KIF15: variants seen among roughly 807,000 people sequenced by gnomAD.
KIF15 encodes the protein kinesin family member 15.
KIF15 carries 140 observed loss-of-function variants against 190.6 expected under a neutral mutation model. That is an observed-to-expected ratio of 0.73 (90% CI 0.64 to 0.84). The LOEUF (loss-of-function observed/expected upper bound fraction) is 0.84. Among genes scored for constraint, KIF15 ranks in the 40% least tolerant of loss-of-function variants. The pLI is 0.00. For synonymous variants in KIF15, 528 were observed against 551.3 expected (o/e 0.96, Z 0.59); for missense variants, 1,372 against 1,584.4 (o/e 0.87, Z 2.28).
chr3:44,782,862 T>G (rs1364219218), intron 5 of KIF15, among the ~76,000 whole-genome samples: 1 of 152,140 alleles, frequency 6.6e-6, no homozygotes, highest in East Asian at 1.9e-4. Flanking sequence ...AGAGTGGAGT[T>G]TTCCAGGATA....
chr3:44,852,425 A>C (rs1699094421), intron 34 of KIF15, 86 bp downstream of exon 34: 14 of 1,310,208 alleles, frequency 1.1e-5, no homozygotes, highest in Non-Finnish European at 1.4e-5. Flanking sequence ...TAATTATTGA[A>C]TCAGTTAACT....
At chr3:44,861,694 C>T (rs963634853) in intron 6 of KIF15, among the ~76,000 whole-genome samples, 3 of 152,268 alleles carry the variant, frequency 2.0e-5, no homozygotes, top group Non-Finnish European at 4.4e-5. Context: ...GGCCTCGGGT[C>T]CCGACGTCCT....
chr3:44,794,280 A>G lies in KIF15; in HGVS notation c.703A>G (p.Arg235Gly). ...ASTSMNRESS[R>G]SHAVFTITIE... The stretch of plus-strand genomic sequence containing the variant: ...AACATCAATGAACAGAGAATCGTCT[A>G]GGTCTCATGCCGTCTTTACAATTAC... Residue 235 changes from arginine (R) to glycine (G), a missense_variant, in exon 8 of 35, where the codon AGG (arginine) becomes GGG (glycine). By Grantham distance (125) the Arg-to-Gly change is moderately radical. Coordinates refer to ENST00000326047, the MANE Select transcript of KIF15 (RefSeq NM_020242.3). 5.0e-6 allele frequency: 8 copies of G among 1,614,200 alleles called. No individual in the cohort carries two copies. Among genetic ancestry groups the G allele is most frequent in the South Asian group, 1.1e-5 (1 of 91,084 alleles).
At chr3:44,825,942 T>C in intron 20 of KIF15, 97 bp from the exon 21 acceptor site, 1 of 1,078,316 alleles carries the variant, frequency 9.3e-7, no homozygotes, top group Non-Finnish European at 1.3e-6. Context: ...GAGTTGGGAA[T>C]GGGCTGTAGA....
At chr3:44,846,791 A>AT (rs1559593013) in intron 30 of KIF15, among the ~76,000 whole-genome samples, 2 of 151,344 alleles carry the variant, frequency 1.3e-5, no homozygotes, top group African/African-American at 4.9e-5. Context: ...AAAAAAAAAA[A>AT]AGTTTTTCAT....
chr3:44,784,308 G>A (rs1318751343), intron 5 of KIF15, among the ~76,000 whole-genome samples: 2 of 151,996 alleles, frequency 1.3e-5, no homozygotes, highest in South Asian at 2.1e-4. Context: ...GAGTAGCTGG[G>A]ACTACAGGCG....
intron 2 of KIF15, 47 bp downstream of exon 2, chr3:44,774,484 G>A (rs769752792): frequency 9.4e-6 from 14 of 1,490,896 alleles, no homozygotes; most frequent in Non-Finnish European, 9.3e-6. Flanking sequence ...ACTAGGGATG[G>A]AATATTTTTA....
intron 30 of KIF15, among the ~76,000 whole-genome samples, chr3:44,843,444 T>C (rs1698704308): frequency 6.6e-6 from 1 of 152,222 alleles, no homozygotes; most frequent in African/African-American, 2.4e-5. Context: ...TGCATTTGTT[T>C]TAAAGTGATT....
intron 3 of KIF15, 46 bp downstream of exon 3, chr3:44,775,483 G>A: frequency 7.2e-7 from 1 of 1,395,034 alleles, no homozygotes; most frequent in Non-Finnish European, 9.8e-7. Flanking sequence ...TTGAAAAGGA[G>A]TCTCACTCTG....
intron 26 of KIF15, among the ~76,000 whole-genome samples, chr3:44,836,402 C>G (rs1698324420): frequency 6.6e-6 from 1 of 151,586 alleles, no homozygotes; most frequent in African/African-American, 2.4e-5. Context: ...AGAAAAAATA[C>G]AAATACATAA....
chr3:44,832,035 G>A (rs1698097866), intron 26 of KIF15, among the ~76,000 whole-genome samples: 1 of 152,178 alleles, frequency 6.6e-6, no homozygotes, highest in Admixed American at 6.5e-5. Flanking sequence ...TTACATCAAA[G>A]CATGCATTCT....
At chr3:44,819,572 T>A (rs1291943437) in intron 20 of KIF15, among the ~76,000 whole-genome samples, 1 of 152,246 alleles carries the variant, frequency 6.6e-6, no homozygotes, top group Non-Finnish European at 1.5e-5. Flanking sequence ...AGTCTCTTAA[T>A]CCTGAGATCT....
intron 3 of KIF15, 72 bp from the exon 4 acceptor site, chr3:44,778,043 C>A: frequency 7.9e-7 from 1 of 1,269,912 alleles, no homozygotes; most frequent in Non-Finnish European, 1.2e-6. Context: ...TTTGCTGTTA[C>A]ATTGTAGAAT....
At chr3:44,835,438 C>T (rs1698263797) in intron 26 of KIF15, among the ~76,000 whole-genome samples, 2 of 151,934 alleles carry the variant, frequency 1.3e-5, no homozygotes, top group African/African-American at 4.8e-5. Flanking sequence ...GATGAGGTTT[C>T]ACTATGATGC....
intron 7 of KIF15, among the ~76,000 whole-genome samples, chr3:44,790,695 C>CATT (rs1706647177): frequency 1.0e-5 from 1 of 97,972 alleles, no homozygotes. Context: ...TTTTCTGTTT[C>CATT]TTTTTTTTTT....
intron 16 of KIF15, among the ~76,000 whole-genome samples, chr3:44,809,967 TGA>T (rs1707716860): frequency 6.6e-6 from 1 of 152,062 alleles, no homozygotes; most frequent in Non-Finnish European, 1.5e-5. Context: ...CTTGGGAGGC[TGA>T]GGCAGGAGAA....
At chr3:44,777,121 A>T (rs1254013471) in intron 3 of KIF15, among the ~76,000 whole-genome samples, 2 of 149,684 alleles carry the variant, frequency 1.3e-5, no homozygotes, top group Admixed American at 6.7e-5. Flanking sequence ...TGCTTGGCTA[A>T]TTTTTTTTTC....
intron 20 of KIF15, among the ~76,000 whole-genome samples, chr3:44,820,743 T>C (rs539101830): frequency 2.0e-5 from 3 of 152,150 alleles, no homozygotes; most frequent in Non-Finnish European, 2.9e-5. Flanking sequence ...GTCTCCCATG[T>C]CTACCTCCTA....
intron 33 of KIF15, 102 bp downstream of exon 33, chr3:44,852,054 G>GTCC: frequency 1.4e-6 from 2 of 1,453,928 alleles, no homozygotes; most frequent in Non-Finnish European, 1.9e-6. Context: ...TTAGTTCAGA[G>GTCC]TTGCTTTATT....
Sources: gnomAD v4.1 joint callset for allele counts (sites outside exome capture counted in the v4.1 genomes callset) on GRCh38, gnomAD v4.1.1 for gene constraint, MANE v1.5 for transcripts, NCBI Gene and HGNC (gene_info 2026-07-23, HGNC 2026-07-21) for gene names.